NLRP11: variants seen among roughly 807,000 people sequenced by gnomAD.
The protein encoded by NLRP11 is NACHT, LRR and PYD domains-containing protein 11.
A neutral mutation model predicts 79.3 loss-of-function variants in NLRP11; 53 were observed. The observed-to-expected ratio is 0.67, with a 90% CI of 0.54 to 0.84. The LOEUF (loss-of-function observed/expected upper bound fraction) is 0.84, where lower values mean the gene tolerates loss of function less well. Ranked by LOEUF, NLRP11 falls within the 40% of genes least tolerant of loss-of-function variation. The pLI is 0.00. For missense variants in NLRP11, 1,264 were observed against 1,255.0 expected (o/e 1.01, Z -0.11); for synonymous variants, 518 against 462.6 (o/e 1.12, Z -1.54).
At chr19:55,817,570 G>A (rs762263395) in intron 2 of NLRP11, among the ~76,000 whole-genome samples, 8 of 152,056 alleles carry the variant, frequency 5.3e-5, no homozygotes, top group South Asian at 2.1e-4. Context: ...GAAGTAACTC[G>A]GGAGTGGAAA....
intron 1 of NLRP11, among the ~76,000 whole-genome samples, chr19:55,820,904 C>G (rs2616950): frequency 0.24 from 35,791 of 151,968 alleles, 5,351 homozygotes; most frequent in African/African-American, 0.42. Context: ...TAACATGACA[C>G]GTCCGAAACT....
chr19:55,823,399 C>G (rs1982011426), intron 1 of NLRP11, among the ~76,000 whole-genome samples: 1 of 138,458 alleles, frequency 7.2e-6, no homozygotes, highest in Admixed American at 7.3e-5. Flanking sequence ...AGAAACGGAA[C>G]AAAGCTGGAT....
intron 4 of NLRP11, among the ~76,000 whole-genome samples, chr19:55,803,021 T>A (rs1394141598): frequency 1.3e-5 from 2 of 152,114 alleles, no homozygotes; most frequent in African/African-American, 4.8e-5. Flanking sequence ...CAACTCAAGA[T>A]GGATTACAGA....
upstream of NLRP11, among the ~76,000 whole-genome samples, chr19:55,832,565 C>A (rs935608506): frequency 6.6e-6 from 1 of 152,174 alleles, no homozygotes; most frequent in Non-Finnish European, 1.5e-5. Flanking sequence ...CAGTCCTATG[C>A]GCAGGTATCT....
exon 2 of NLRP11, chr19:55,817,915 C>G (rs756782768): frequency 3.7e-6 from 6 of 1,606,984 alleles, no homozygotes; most frequent in Non-Finnish European, 5.1e-6. Flanking sequence ...GTTTCGTCTG[C>G]CAATGATCTT....
intron 4 of NLRP11, among the ~76,000 whole-genome samples, chr19:55,804,139 T>G (rs1158450982): frequency 6.6e-6 from 1 of 152,182 alleles, no homozygotes; most frequent in Non-Finnish European, 1.5e-5. Flanking sequence ...AAACAGATGC[T>G]GGCAAGGATG....
At chr19:55,823,173 G>C (rs1182791212) in intron 1 of NLRP11, among the ~76,000 whole-genome samples, 4 of 131,966 alleles carry the variant, frequency 3.0e-5, no homozygotes, top group Non-Finnish European at 6.4e-5. Flanking sequence ...CACACGGCAG[G>C]GTATTCCAAC....
chr19:55,812,944 C>A (rs1009990703), intron 2 of NLRP11, among the ~76,000 whole-genome samples: 3 of 152,160 alleles, frequency 2.0e-5, no homozygotes, highest in African/African-American at 7.2e-5. Flanking sequence ...ACTGTTATTT[C>A]AGGAACAACC....
chr19:55,822,820 G>A (rs1189293258), intron 1 of NLRP11, among the ~76,000 whole-genome samples: 27 of 152,214 alleles, frequency 1.8e-4, no homozygotes, highest in Non-Finnish European at 3.4e-4. Context: ...CTGCAAGGCG[G>A]CAGCTAGGCT....
chr19:55,797,992 T>C lies in NLRP11; in HGVS notation c.2172-1742A>G, dbSNP rs576832071. On this transcript the variant is annotated intron_variant, in intron 5 of 9. Coordinates refer to ENST00000589093, the Ensembl canonical transcript of NLRP11. ...CAGCGTGAAATGGTGTATTCTATAT[T>C]ATTATTATTTTTTTTTTTTTTGAGA... 1.2e-4 allele frequency among the ~76,000 whole-genome samples: 17 copies of C among 139,690 alleles called. No individual in the cohort carries two copies. The East Asian group carries it at 3.7e-3, about 30-fold the overall frequency. 91.6% of individuals were successfully genotyped at this position (139,690 alleles called of 152,430 possible).
intron 1 of NLRP11, among the ~76,000 whole-genome samples, chr19:55,830,814 C>T (rs1982690051): frequency 6.6e-6 from 1 of 152,088 alleles, no homozygotes; most frequent in South Asian, 2.1e-4. Flanking sequence ...AAAGCTGACA[C>T]TACAGCATTG....
chr19:55,810,958 T>C (rs1980550334), intron 2 of NLRP11, among the ~76,000 whole-genome samples: 1 of 152,190 alleles, frequency 6.6e-6, no homozygotes, highest in African/African-American at 2.4e-5. Context: ...CCTTAGCGTT[T>C]TAGGTAGCCT....
intron 5 of NLRP11, chr19:55,798,333 AG>A: frequency 1.0e-6 from 1 of 985,114 alleles, no homozygotes; most frequent in Non-Finnish European, 1.2e-6. Context: ...AAAGCCGTTG[AG>A]GGCCTGAAGA....
At chr19:55,821,730 A>T (rs1034708894) in intron 1 of NLRP11, among the ~76,000 whole-genome samples, 1 of 137,108 alleles carries the variant, frequency 7.3e-6, no homozygotes, top group Middle Eastern at 3.5e-3. Context: ...GAACCCATTA[A>T]CATTGTTAGT....
At chr19:55,823,840 C>T (rs1982052731) in intron 1 of NLRP11, among the ~76,000 whole-genome samples, 1 of 147,220 alleles carries the variant, frequency 6.8e-6, no homozygotes, top group Non-Finnish European at 1.5e-5. Flanking sequence ...AAACGCTCTG[C>T]AGGATATTAT....
chr19:55,830,617 G>GAAAAAAA (rs1982660295), intron 1 of NLRP11, among the ~76,000 whole-genome samples: 1 of 104,322 alleles, frequency 9.6e-6, no homozygotes, highest in African/African-American at 5.1e-5. Flanking sequence ...AAAAAAAAAT[G>GAAAAAAA]CAACGTTGAG....
chr19:55,817,807 A>G (rs552767985), intron 2 of NLRP11, 97 bp downstream of exon 2: 1 of 977,494 alleles, frequency 1.0e-6, no homozygotes, highest in African/African-American at 1.9e-5. Context: ...CCTGCTTCCC[A>G]GAAACCTATT....
exon 3 of NLRP11, chr19:55,808,815 G>T (rs1192030354): frequency 6.2e-7 from 1 of 1,613,278 alleles, no homozygotes; most frequent in Admixed American, 1.7e-5. Context: ...AAGATGCGCT[G>T]AACACTCAAC....
At chr19:55,807,983 T>G in exon 4 of NLRP11, 1 of 1,612,232 alleles carries the variant, frequency 6.2e-7, no homozygotes, top group Non-Finnish European at 8.5e-7. Context: ...AGAGAGCAGA[T>G]CTCTCTCCAG....
Sources: allele counts gnomAD v4.1 joint callset (sites outside exome capture counted in the v4.1 genomes callset), GRCh38; gene constraint gnomAD v4.1.1; transcripts MANE v1.5; gene names NCBI Gene and HGNC (gene_info 2026-07-23, HGNC 2026-07-21).